Variants in LZIC observed in about 807,000 individuals in gnomAD.
LZIC encodes the protein protein LZIC.
In LZIC, 28 loss-of-function variants were observed where a neutral mutation model predicts 25.4. The observed-to-expected ratio is 1.10, with a 90% CI of 0.82 to 1.51. The LOEUF (loss-of-function observed/expected upper bound fraction) is 1.51, where lower values mean the gene tolerates loss of function less well. Among genes scored for constraint, LZIC ranks in the 40% most tolerant of loss-of-function variants. The pLI is 0.00. For missense variants in LZIC, 170 were observed against 211.1 expected (o/e 0.81, Z 1.21); for synonymous variants, 65 against 70.7 (o/e 0.92, Z 0.40).
chr1:9,938,564 C>T (rs998875876), intron 2 of LZIC, among the ~76,000 whole-genome samples: 1 of 152,066 alleles, frequency 6.6e-6, no homozygotes, highest in African/African-American at 2.4e-5. Flanking sequence ...AAGCCTTTGG[C>T]TTTTTTGAGA....
downstream of LZIC, chr1:9,922,247 G>A (rs1467255244): frequency 7.3e-6 from 7 of 964,538 alleles, no homozygotes; most frequent in South Asian, 1.4e-4. Context: ...TTGCAGTTAC[G>A]CATGTATTCA....
At chr1:9,940,179 G>A (rs751414313) in intron 2 of LZIC, among the ~76,000 whole-genome samples, 7 of 150,278 alleles carry the variant, frequency 4.7e-5, no homozygotes, top group Non-Finnish European at 7.4e-5. Context: ...ATTAAAACAT[G>A]TTTTTTGTTT....
Position 9,927,713 on chromosome 1 carries a change from T to C in LZIC, c.*2686A>G, listed in dbSNP as rs1357419595. On this transcript the variant is annotated 3_prime_UTR_variant, in exon 8 of 8. Transcript: ENST00000377223. Reference sequence around the variant, plus strand: ...TTTTTTTTTTTTTTGAGACCGTGTCTCAGTCTGTCGCCCAGGCTGGAGTGC... The same window carrying C: ...TTTTTTTTTTTTTTGAGACCGTGTCCCAGTCTGTCGCCCAGGCTGGAGTGC... Among the ~76,000 whole-genome samples the C allele has an allele frequency of 7.2e-6, 1 of 139,488 alleles. No individual in the cohort carries two copies. The highest frequency in any genetic ancestry group is 2.7e-5 in the African/African-American group (1 of 36,824). 91.5% of individuals were successfully genotyped at this position (139,488 alleles called of 152,430 possible).
In LZIC at chr1:9,926,443, T is replaced by C. The variant is rs369011076; in HGVS notation, c.*3956A>G. On this transcript the variant is annotated 3_prime_UTR_variant, in exon 8 of 8. Transcript: ENST00000377223. ...CTAAAGATGACCATTCCATGTTTAA[T>C]GTCTTCAGAGAAGATCTAAAAATCA... 1.4e-4 allele frequency among the ~76,000 whole-genome samples: 21 copies of C among 152,348 alleles called. No individual in the cohort carries two copies. The East Asian group carries it at 3.7e-3, about 27-fold the overall frequency.
chr1:9,928,739 G>C lies in LZIC; in HGVS notation c.*1660C>G, dbSNP rs1450571949. Among the ~76,000 whole-genome samples, 4 of 151,854 alleles carry C rather than the reference G, an allele frequency of 2.6e-5. No homozygotes were observed. Among genetic ancestry groups the C allele is most frequent in the Non-Finnish European group, 5.9e-5 (4 of 67,976 alleles). ...AAAGGTACAAAAATTAGCTGGGCGT[G>C]GTGGTACACACTAGTAATCCCAGCT... is the stretch of plus-strand genomic sequence containing the variant. On this transcript the variant is annotated 3_prime_UTR_variant, in exon 8 of 8. Coordinates refer to ENST00000377223, the MANE Select transcript of LZIC (RefSeq NM_032368.5).
intron 7 of LZIC, 95 bp from the exon 8 acceptor site, chr1:9,930,552 A>C: frequency 6.5e-7 from 1 of 1,532,136 alleles, no homozygotes; most frequent in Non-Finnish European, 8.9e-7. Context: ...TAGATATTAA[A>C]ACAGAAAATA....
Position 9,935,667 on chromosome 1 carries a change from T to A in LZIC, c.102-40A>T, listed in dbSNP as rs779237072. 6 of 1,552,448 alleles carry A rather than the reference T, an allele frequency of 3.9e-6. No individual in the cohort carries two copies. The South Asian group carries it at 7.3e-5, about 19-fold the overall frequency. Reference sequence around the variant, plus strand: ...CATCATGATATGGAAAAATGAAGAGTTCCAAGTGAAAAATGCAATCTTAAT... The same window carrying A: ...CATCATGATATGGAAAAATGAAGAGATCCAAGTGAAAAATGCAATCTTAAT... On this transcript the variant is annotated intron_variant, in intron 3 of 7. Transcript: ENST00000377223.
At chr1:9,943,205 G>C (rs1039639802) in intron 1 of LZIC, 44 bp downstream of exon 1, 1 of 170,594 alleles carries the variant, frequency 5.9e-6, no homozygotes, top group East Asian at 1.5e-4. Context: ...TGCCACCAGA[G>C]GTAGCCGTAA....
At chr1:9,924,569 T>TA (rs1238734279), downstream of LZIC, among the ~76,000 whole-genome samples, 1 of 152,082 alleles carries the variant, frequency 6.6e-6, no homozygotes, top group East Asian at 1.9e-4. Context: ...TTAGCCAGGA[T>TA]AGTCTCCATC....
intron 4 of LZIC, 29 bp from the exon 5 acceptor site, chr1:9,934,889 CAA>C: frequency 1.4e-6 from 2 of 1,474,280 alleles, no homozygotes; most frequent in Non-Finnish European, 1.9e-6. Context: ...AAAAACTAAC[CAA>C]AATAGTCCAA....
At chr1:9,933,811 A>G (rs993558705) in intron 5 of LZIC, among the ~76,000 whole-genome samples, 2 of 151,844 alleles carry the variant, frequency 1.3e-5, no homozygotes, top group Non-Finnish European at 2.9e-5. Context: ...AGGGGCTGAG[A>G]TGGGAGACGC....
In LZIC at chr1:9,928,031, G is replaced by C. The variant is rs1433674670; in HGVS notation, c.*2368C>G. On this transcript the variant is annotated 3_prime_UTR_variant, in exon 8 of 8. Coordinates refer to ENST00000377223, the MANE Select transcript of LZIC (RefSeq NM_032368.5). ...ACGTAGGCTGGGTGTGGTGGCTCAGGCCGGGTATGGTGGCTCATGCCTGTA... is the reference window on the plus strand; with the variant it reads ...ACGTAGGCTGGGTGTGGTGGCTCAGCCCGGGTATGGTGGCTCATGCCTGTA... Among the ~76,000 whole-genome samples, 1 of 152,132 alleles carries C rather than the reference G, an allele frequency of 6.6e-6. No homozygotes were observed. Among genetic ancestry groups the C allele is most frequent in the Admixed American group, 6.5e-5 (1 of 15,270 alleles).
At chr1:9,932,726 C>T (rs1640282157) in intron 6 of LZIC, 77 bp downstream of exon 6, 1 of 560,654 alleles carries the variant, frequency 1.8e-6, no homozygotes, top group African/African-American at 2.0e-5. Flanking sequence ...GTACCACAAA[C>T]TAGACCACAG....
intron 2 of LZIC, among the ~76,000 whole-genome samples, chr1:9,938,102 C>A (rs1179311972): frequency 6.6e-6 from 1 of 151,842 alleles, no homozygotes; most frequent in Non-Finnish European, 1.5e-5. Flanking sequence ...TAAAATGAAT[C>A]ATTATAGCCC....
downstream of LZIC, among the ~76,000 whole-genome samples, chr1:9,926,040 C>T (rs1376799699): frequency 1.3e-5 from 2 of 151,738 alleles, no homozygotes; most frequent in Non-Finnish European, 2.9e-5. Flanking sequence ...ACTACAGGCG[C>T]CCGCCACCAC....
At chr1:9,925,847 C>T (rs1400172260), downstream of LZIC, among the ~76,000 whole-genome samples, 2 of 148,422 alleles carry the variant, frequency 1.3e-5, no homozygotes, top group Non-Finnish European at 3.0e-5. Context: ...CTTGGCCTAC[C>T]AAAGTGCTGG....
intron 2 of LZIC, among the ~76,000 whole-genome samples, chr1:9,941,168 TTTTC>T (rs1328372899): frequency 1.9e-5 from 2 of 102,666 alleles, no homozygotes; most frequent in Non-Finnish European, 5.3e-5. Flanking sequence ...GGATTTTACC[TTTTC>T]TTTCTTTCGT....
chr1:9,941,646 C>T (rs751218282), intron 2 of LZIC, among the ~76,000 whole-genome samples: 4 of 150,474 alleles, frequency 2.7e-5, no homozygotes, highest in Non-Finnish European at 4.4e-5. Flanking sequence ...ATTACAGGCA[C>T]GCACTACCAC....
In LZIC at chr1:9,942,794, G is replaced by A. The variant is rs1464010521; in HGVS notation, c.-167-12C>T. The A allele has an allele frequency of 1.3e-5, 10 of 798,452 alleles. No homozygotes were observed. The East Asian group carries it at 5.0e-4, about 40-fold the overall frequency. The allele number at this position is 798,452 out of a possible 1,614,324, so 49.5% of individuals were successfully genotyped here. A position where few individuals can be genotyped will look rare whatever the true frequency, so the allele number is the denominator to read the frequency against. ...TCGGGGTGGAGATGCTGGAAAAAAG[G>A]AAACCATTAACAAGTAATTTTATTT... On this transcript the variant is annotated splice_polypyrimidine_tract_variant and intron_variant, in intron 1 of 7. Transcript: ENST00000377223.
Sources: allele counts gnomAD v4.1 joint callset (sites outside exome capture counted in the v4.1 genomes callset), GRCh38; gene constraint gnomAD v4.1.1; transcripts MANE v1.5; gene names NCBI Gene and HGNC (gene_info 2026-07-23, HGNC 2026-07-21).